The following RPH3A variants were observed in gnomAD, a reference collection of about 807,000 sequenced individuals.
The protein encoded by RPH3A is rabphilin-3A.
A neutral mutation model predicts 102.2 loss-of-function variants in RPH3A; 48 were observed. That is an observed-to-expected ratio of 0.47 (90% CI 0.37 to 0.60). RPH3A has a LOEUF of 0.60. RPH3A is among the 20% of genes least tolerant of loss of function. The pLI, the probability that RPH3A is intolerant of heterozygous loss-of-function variation, is 0.00. For missense variants in RPH3A, 781 were observed against 910.1 expected, an observed-to-expected ratio of 0.86 and a Z score of 1.83; for synonymous variants, 310 against 324.3, an observed-to-expected ratio of 0.96 and a Z score of 0.47.
At chr12:112,647,708 A>T (rs543810215) in intron 1 of RPH3A, among the ~76,000 whole-genome samples, 1 of 152,046 alleles carries the variant, frequency 6.6e-6, no homozygotes, top group Non-Finnish European at 1.5e-5. Flanking sequence ...AGCCATGTGG[A>T]TATACATAGG....
At chr12:112,811,907 A>G (rs2041583049) in intron 2 of RPH3A, among the ~76,000 whole-genome samples, 1 of 152,186 alleles carries the variant, frequency 6.6e-6, no homozygotes, top group Non-Finnish European at 1.5e-5. Context: ...GACTGGATCC[A>G]GAGGCTCAAC....
chr12:112,787,824 G>T (rs970339100), upstream of RPH3A, among the ~76,000 whole-genome samples: 1 of 152,216 alleles, frequency 6.6e-6, no homozygotes, highest in Non-Finnish European at 1.5e-5. Context: ...AGCATTTGTT[G>T]CTGTAGCTAT....
intron 4 of RPH3A, among the ~76,000 whole-genome samples, chr12:112,843,950 C>G (rs1332881849): frequency 6.6e-6 from 1 of 152,088 alleles, no homozygotes; most frequent in Non-Finnish European, 1.5e-5. Context: ...TGGGAAGAAA[C>G]AGCAGGCTGA....
At chr12:112,778,349 C>A (rs1038850989) in intron 1 of RPH3A, among the ~76,000 whole-genome samples, 4 of 152,144 alleles carry the variant, frequency 2.6e-5, no homozygotes, top group Non-Finnish European at 5.9e-5. Flanking sequence ...CTCTTTAATC[C>A]TTCTGACACC....
chr12:112,707,651 C>A (rs1182068807), intron 1 of RPH3A, among the ~76,000 whole-genome samples: 1 of 152,242 alleles, frequency 6.6e-6, no homozygotes, highest in African/African-American at 2.4e-5. Flanking sequence ...TTGTGATATT[C>A]ACCTTGTTTA....
intron 5 of RPH3A, among the ~76,000 whole-genome samples, chr12:112,856,718 A>G (rs1244489009): frequency 5.9e-5 from 9 of 152,254 alleles, no homozygotes; most frequent in East Asian, 1.9e-4. Context: ...CAGAAAAAAT[A>G]TGAGTACAGG....
rs1260160979 is a variant in RPH3A, at chr12:112,668,330, G to A, written c.-140+93011G>A. ...ATGATCTATAAAGAGCTCTTAGAGC[G>A]ACCAGTGATGCTTTGGGAAAAGTCA... On this transcript the variant is annotated intron_variant, in intron 1 of 21. Coordinates refer to the RPH3A transcript ENST00000543106. 2.6e-5 allele frequency among the ~76,000 whole-genome samples: 4 copies of A among 152,160 alleles called. No homozygotes were observed. In the South Asian group the frequency reaches 6.2e-4, roughly 24 times the overall value.
intron 1 of RPH3A, among the ~76,000 whole-genome samples, chr12:112,684,465 G>T (rs1343010879): frequency 6.6e-6 from 1 of 151,774 alleles, no homozygotes; most frequent in Non-Finnish European, 1.5e-5. Flanking sequence ...ACAGGGTTAT[G>T]CCATGTTGGC....
intron 2 of RPH3A, among the ~76,000 whole-genome samples, chr12:112,794,238 C>T (rs1229656616): frequency 6.6e-6 from 1 of 152,214 alleles, no homozygotes; most frequent in Non-Finnish European, 1.5e-5. Context: ...CCTCAGCTTC[C>T]CCATCTATGC....
chr12:112,791,901 A>AGAGAGAGAGAGAGAGAGAGAGAGAGACT lies in RPH3A; in HGVS notation c.-247_-246insGAGAGAGAGAGAGAGAGAGAGACTGAGA, dbSNP rs1565882471. On this transcript the variant is annotated 5_prime_UTR_variant, in exon 1 of 22. Transcript: ENST00000389385. ...GAGAGAGAGAGAGAGAGAGAGAGAG[A>AGAGAGAGAGAGAGAGAGAGAGAGAGACT]GAGACTCACAGAGCTAAAACCTTCA... The AGAGAGAGAGAGAGAGAGAGAGAGAGACT allele has an allele frequency of 1.5e-4, 23 of 151,038 alleles. No homozygotes were observed. Among genetic ancestry groups the AGAGAGAGAGAGAGAGAGAGAGAGAGACT allele is most frequent in the African/African-American group, 5.4e-4 (22 of 40,772 alleles). 9.4% of individuals were successfully genotyped at this position (151,038 alleles called of 1,614,324 possible).
intron 1 of RPH3A, among the ~76,000 whole-genome samples, chr12:112,608,234 G>A (rs951290091): frequency 4.0e-5 from 6 of 151,584 alleles, no homozygotes; most frequent in Admixed American, 2.0e-4. Context: ...TCCAGCCTCA[G>A]CCTCCCGAGT....
chr12:112,716,191 A>G (rs1188295797), intron 1 of RPH3A, among the ~76,000 whole-genome samples: 2 of 152,168 alleles, frequency 1.3e-5, no homozygotes, highest in African/African-American at 4.8e-5. Context: ...TATGACCTGT[A>G]TCTTGTGTTG....
At chr12:112,712,495 AG>A (rs748770736) in intron 1 of RPH3A, among the ~76,000 whole-genome samples, 3 of 152,176 alleles carry the variant, frequency 2.0e-5, no homozygotes, top group Admixed American at 6.5e-5. Flanking sequence ...ACATACAAAA[AG>A]GTGTAAAGAA....
At chr12:112,779,880 G>C (rs182061370) in intron 1 of RPH3A, among the ~76,000 whole-genome samples, 1 of 152,284 alleles carries the variant, frequency 6.6e-6, no homozygotes, top group Admixed American at 6.5e-5. Context: ...CATACGAAGA[G>C]AGAAATGGAC....
intron 1 of RPH3A, among the ~76,000 whole-genome samples, chr12:112,702,863 C>T (rs2040404461): frequency 6.6e-6 from 1 of 152,232 alleles, no homozygotes; most frequent in Admixed American, 6.5e-5. Context: ...GTTAATTCAA[C>T]AGTGATGGCT....
In RPH3A at chr12:112,887,865, A is replaced by G. The variant is rs758110662; in HGVS notation, c.1505A>G (p.Lys502Arg). 2 of 1,614,050 alleles carry G rather than the reference A, an allele frequency of 1.2e-6. No homozygotes were observed. Among genetic ancestry groups the G allele is most frequent in the Non-Finnish European group, 1.7e-6 (2 of 1,179,920 alleles). Residue 502 changes from lysine to arginine, a missense_variant, in exon 17 of 22, where the codon AAG becomes AGG. Physicochemically the swap from Lys to Arg is conservative, Grantham distance 26. Coordinates refer to ENST00000389385, the MANE Select transcript of RPH3A (RefSeq NM_001143854.2). Reference sequence around the variant, plus strand: ...ATTGGTGAGACCAGATTCTCCCTCAAGAAACTGAAGCCCAACCAGAGGAAG... The same window carrying G: ...ATTGGTGAGACCAGATTCTCCCTCAGGAAACTGAAGCCCAACCAGAGGAAG... ...EFIGETRFSL[K>R]KLKPNQRKNF...
chr12:112,633,237 A>G (rs765893616), intron 1 of RPH3A, among the ~76,000 whole-genome samples: 2 of 152,324 alleles, frequency 1.3e-5, no homozygotes, highest in South Asian at 2.1e-4. Flanking sequence ...ATAACAATCT[A>G]TATGAGTCAT....
chr12:112,700,163 G>A (rs936443567), intron 1 of RPH3A, among the ~76,000 whole-genome samples: 3 of 151,640 alleles, frequency 2.0e-5, no homozygotes, highest in South Asian at 2.1e-4. Flanking sequence ...TCCGCCTCTC[G>A]GGTTCAAGCG....
chr12:112,760,263 G>A (rs1189927846), intron 1 of RPH3A, among the ~76,000 whole-genome samples: 2 of 152,134 alleles, frequency 1.3e-5, no homozygotes, highest in African/African-American at 4.8e-5. Flanking sequence ...CTGCTTACTA[G>A]CTGTGTGACC....
Sources: gnomAD v4.1 joint callset for allele counts (sites outside exome capture counted in the v4.1 genomes callset) on GRCh38, gnomAD v4.1.1 for gene constraint, MANE v1.5 for transcripts, NCBI Gene and HGNC (gene_info 2026-07-23, HGNC 2026-07-21) for gene names.